The following DOCK11 variants were observed in gnomAD, a reference collection of about 807,000 sequenced individuals.
The protein encoded by DOCK11 is dedicator of cytokinesis protein 11.
In DOCK11, 70 loss-of-function variants were observed where a neutral mutation model predicts 169.1. The ratio of observed to expected loss-of-function variants is 0.41; its 90% CI spans 0.34 to 0.51. The LOEUF is 0.51. Among genes scored for constraint, DOCK11 ranks in the 20% least tolerant of loss-of-function variants. The pLI is 0.10. For synonymous variants in DOCK11, 529 were observed against 541.3 expected, an observed-to-expected ratio of 0.98 and a Z score of 0.32; for missense variants, 1,166 against 1,538.8, an observed-to-expected ratio of 0.76 and a Z score of 4.05.
chrX:118,656,267 T>TAATAAATA (rs749224053), intron 44 of DOCK11, among the ~76,000 whole-genome samples: 3,161 of 108,094 alleles, frequency 0.029, 60 homozygotes, highest in Middle Eastern at 0.048. Context: ...TCTCAAAAAA[T>TAATAAATA]AATAAATAAA....
chrX:118,512,994 C>G (rs2057659460), intron 1 of DOCK11, among the ~76,000 whole-genome samples: 1 of 111,743 alleles, frequency 8.9e-6, no homozygotes. Flanking sequence ...GCTTTCCCCC[C>G]ATTCTGATTT....
At chrX:118,647,137 ATATGTGTGTGTGTGTGTGTGTGTG>A (rs2015693393) in intron 40 of DOCK11, among the ~76,000 whole-genome samples, 1 of 68,791 alleles carries the variant, frequency 1.5e-5, no homozygotes, top group Non-Finnish European at 2.7e-5. Context: ...TGTGAAGAGG[ATATGTGTGTGTGTGTGTGTGTGTG>A]TGTGTGTGTG....
At chrX:118,552,025 G>A (rs1292665127) in intron 6 of DOCK11, among the ~76,000 whole-genome samples, 1 of 59,316 alleles carries the variant, frequency 1.7e-5, no homozygotes, top group African/African-American at 7.8e-5. Context: ...GTGACAGAGC[G>A]ACACTCTGTC....
Position 118,614,681 on chromosome X carries a change from G to T in DOCK11, c.3097-11G>T. 8.9e-7 allele frequency: 1 copy of T among 1,118,221 alleles called. No homozygotes were observed. Among genetic ancestry groups the T allele is most frequent in the Non-Finnish European group, 1.2e-6 (1 of 821,864 alleles). 92.2% of individuals were successfully genotyped at this position (1,118,221 alleles called of 1,213,427 possible). A position where few individuals can be genotyped will look rare whatever the true frequency, so the allele number is the denominator to read the frequency against. Reference sequence around the variant, plus strand: ...TGTAATTAACCCTTAGTTTTGTTTTGGTTTCTATAGCGCTGTTTGACACTA... The same window carrying T: ...TGTAATTAACCCTTAGTTTTGTTTTTGTTTCTATAGCGCTGTTTGACACTA... On this transcript the variant is annotated splice_polypyrimidine_tract_variant and intron_variant, in intron 28 of 52. Transcript: ENST00000276202.
intron 1 of DOCK11, among the ~76,000 whole-genome samples, chrX:118,520,021 T>G (rs2057713044): frequency 1.8e-5 from 2 of 111,616 alleles, no homozygotes; most frequent in Admixed American, 1.9e-4. Flanking sequence ...CCCTTGTCAC[T>G]CAAAAAATTT....
chrX:118,615,081 G>T (rs1456019483), intron 29 of DOCK11, among the ~76,000 whole-genome samples: 1 of 111,939 alleles, frequency 8.9e-6, no homozygotes, highest in Non-Finnish European at 1.9e-5. Context: ...AAATGGGGTG[G>T]GTAGCAATCC....
At chrX:118,601,470 T>A (rs987604610) in intron 23 of DOCK11, among the ~76,000 whole-genome samples, 14 of 110,411 alleles carry the variant, frequency 1.3e-4, no homozygotes, top group African/African-American at 4.6e-4. Flanking sequence ...AACTTTTAAA[T>A]CCTTTCCTCA....
intron 20 of DOCK11, among the ~76,000 whole-genome samples, chrX:118,596,551 T>C (rs6646244): frequency 0.16 from 17,953 of 111,414 alleles, 1,191 homozygotes; most frequent in East Asian, 0.35. Context: ...CCCTCTCTCA[T>C]ATGCCAAAAC....
intron 46 of DOCK11, 146 bp from the exon 47 acceptor site, chrX:118,675,790 G>A (rs1037403262): frequency 3.0e-6 from 1 of 332,797 alleles, no homozygotes; most frequent in African/African-American, 2.8e-5. Flanking sequence ...GACTTTGATT[G>A]TTACAAAGGG....
rs913539328 is a variant in DOCK11 at position 118,631,302 on chromosome X, A to T, written c.3886+812A>T. Among the ~76,000 whole-genome samples the T allele has an allele frequency of 9.8e-5, 11 of 111,769 alleles. No individual in the cohort carries two copies. In the East Asian group the frequency reaches 3.1e-3, roughly 31 times the overall value. Reference sequence around the variant, plus strand: ...ATTTCGTTTTAAATATTTTATAATAATGCAGGATGTAAAGACATAAAATAA... The same window carrying T: ...ATTTCGTTTTAAATATTTTATAATATTGCAGGATGTAAAGACATAAAATAA... On this transcript the variant is annotated intron_variant, in intron 35 of 52. Coordinates refer to ENST00000276202, the MANE Select transcript of DOCK11 (RefSeq NM_144658.4).
intron 20 of DOCK11, among the ~76,000 whole-genome samples, chrX:118,595,998 T>C (rs1467932887): frequency 8.9e-6 from 1 of 111,768 alleles, no homozygotes; most frequent in Non-Finnish European, 1.9e-5. Flanking sequence ...GTCATGGAGA[T>C]ACAACTTTGC....
intron 6 of DOCK11, among the ~76,000 whole-genome samples, chrX:118,548,629 T>C (rs1035565422): frequency 9.0e-6 from 1 of 111,047 alleles, no homozygotes; most frequent in African/African-American, 3.3e-5. Context: ...CAGAAAAGAC[T>C]CACAGGCCGA....
intron 44 of DOCK11, among the ~76,000 whole-genome samples, chrX:118,659,278 G>A (rs189812144): frequency 9.0e-6 from 1 of 111,216 alleles, no homozygotes; most frequent in Non-Finnish European, 1.9e-5. Flanking sequence ...CCCTAGAACA[G>A]CAGTCAGGAA....
intron 4 of DOCK11, among the ~76,000 whole-genome samples, chrX:118,543,919 C>T (rs893374007): frequency 4.5e-5 from 5 of 111,921 alleles, no homozygotes; most frequent in African/African-American, 1.6e-4. Flanking sequence ...CATCACACTC[C>T]AGCTTGGGCG....
intron 23 of DOCK11, among the ~76,000 whole-genome samples, chrX:118,601,941 C>A (rs2014352355): frequency 9.8e-6 from 1 of 101,928 alleles, no homozygotes; most frequent in Non-Finnish European, 2.0e-5. Flanking sequence ...CCATGCCCAG[C>A]TAATTTTTTT....
chrX:118,568,569 ACATATGAGT>A (rs1319743400), intron 10 of DOCK11, among the ~76,000 whole-genome samples: 2 of 107,535 alleles, frequency 1.9e-5, no homozygotes, highest in Non-Finnish European at 3.8e-5. Context: ...AGTATAAAGA[ACATATGAGT>A]CATATGAGAC....
intron 19 of DOCK11, among the ~76,000 whole-genome samples, chrX:118,591,902 A>T (rs5910389): frequency 7.8e-5 from 7 of 89,715 alleles, no homozygotes; most frequent in Admixed American, 5.3e-4. Context: ...TTGTCCTTGC[A>T]ATAGTTTGCT....
chrX:118,513,455 A>T (rs2057662538), intron 1 of DOCK11, among the ~76,000 whole-genome samples: 1 of 111,819 alleles, frequency 8.9e-6, no homozygotes, highest in Admixed American at 9.5e-5. Context: ...TTATGGAATC[A>T]GAATGAAGAG....
intron 44 of DOCK11, among the ~76,000 whole-genome samples, chrX:118,659,317 G>C (rs538837209): frequency 3.6e-5 from 4 of 111,748 alleles, no homozygotes; most frequent in African/African-American, 1.3e-4. Flanking sequence ...AAACAGCAAG[G>C]TCAAGAGTCC....
Sources: gnomAD v4.1 joint callset for allele counts (sites outside exome capture counted in the v4.1 genomes callset) on GRCh38, gnomAD v4.1.1 for gene constraint, MANE v1.5 for transcripts, NCBI Gene and HGNC (gene_info 2026-07-23, HGNC 2026-07-21) for gene names.